Variants in SMYD3 observed in about 807,000 individuals in gnomAD.
The protein encoded by SMYD3 is histone-lysine N-methyltransferase SMYD3.
SMYD3 carries 36 observed loss-of-function variants against 57.7 expected under a neutral mutation model. The ratio of observed to expected loss-of-function variants is 0.62; its 90% CI spans 0.48 to 0.82. The LOEUF is 0.82. Among genes scored for constraint, SMYD3 ranks in the 40% least tolerant of loss-of-function variants. SMYD3 has a pLI of 0.00. For synonymous variants in SMYD3, 211 were observed against 195.0 expected (o/e 1.08, Z -0.68); for missense variants, 515 against 538.8 (o/e 0.96, Z 0.44).
At chr1:245,852,638 T>C (rs1182796383) in intron 10 of SMYD3, among the ~76,000 whole-genome samples, 3 of 152,234 alleles carry the variant, frequency 2.0e-5, no homozygotes, top group African/African-American at 7.2e-5. Context: ...CTAGTCATTG[T>C]CATATCTTCT....
At chr1:246,241,850 T>C (rs923693582) in intron 5 of SMYD3, among the ~76,000 whole-genome samples, 1 of 152,176 alleles carries the variant, frequency 6.6e-6, no homozygotes, top group Admixed American at 6.5e-5. Context: ...AATTTATCCA[T>C]TTTTTCTAGA....
chr1:245,995,278 G>A (rs193206177), intron 5 of SMYD3, among the ~76,000 whole-genome samples: 11 of 152,250 alleles, frequency 7.2e-5, no homozygotes, highest in African/African-American at 1.7e-4. Flanking sequence ...TGTGCTACAC[G>A]GAAGTCATGG....
chr1:246,376,932 T>A (rs1474409513), intron 1 of SMYD3, among the ~76,000 whole-genome samples: 1 of 151,992 alleles, frequency 6.6e-6, no homozygotes, highest in African/African-American at 2.4e-5. Context: ...AAACCCCATC[T>A]CTACTAAAAA....
chr1:245,807,999 T>C lies in SMYD3; in HGVS notation c.1077-43850A>G, dbSNP rs74891666. ...TAATCTCTTGAGAGTATTCTCCTCT[T>C]CTGCCACTGCCAAAATCAAAATGAG... On this transcript the variant is annotated intron_variant, in intron 10 of 11. Coordinates refer to ENST00000490107, the MANE Select transcript of SMYD3 (RefSeq NM_001167740.2). 5.6e-3 allele frequency among the ~76,000 whole-genome samples: 854 copies of C among 152,268 alleles called. 6 individuals carry two copies. Among genetic ancestry groups the C allele is most frequent in the Middle Eastern group, 0.037 (11 of 294 alleles).
chr1:246,176,487 G>A lies in SMYD3; in HGVS notation c.531+150714C>T, dbSNP rs1253675053. Among the ~76,000 whole-genome samples, 4 of 152,172 alleles carry A rather than the reference G, an allele frequency of 2.6e-5. No individual in the cohort carries two copies. The South Asian group carries it at 6.2e-4, about 24-fold the overall frequency. ...TACATGGTCTGACCCTCAGCAACAC[G>A]AAAACATATTCGAAGCAATGAGATT... is the stretch of plus-strand genomic sequence containing the variant. On this transcript the variant is annotated intron_variant, in intron 5 of 11. Coordinates refer to ENST00000490107, the MANE Select transcript of SMYD3 (RefSeq NM_001167740.2).
chr1:246,207,157 ATG>A (rs964368449), intron 5 of SMYD3, among the ~76,000 whole-genome samples: 1 of 152,148 alleles, frequency 6.6e-6, no homozygotes, highest in Non-Finnish European at 1.5e-5. Flanking sequence ...AAAATTAAAT[ATG>A]TGTTATTTGA....
intron 5 of SMYD3, among the ~76,000 whole-genome samples, chr1:246,319,205 C>G (rs970743992): frequency 1.3e-5 from 2 of 152,198 alleles, no homozygotes; most frequent in African/African-American, 2.4e-5. Context: ...TGCAGTTAAG[C>G]ATCCTAGCTG....
chr1:245,781,747 G>A (rs971733014), intron 10 of SMYD3, among the ~76,000 whole-genome samples: 7 of 152,140 alleles, frequency 4.6e-5, no homozygotes, highest in African/African-American at 1.7e-4. Context: ...TTGGGAGGCC[G>A]AGCACTGGGG....
intron 5 of SMYD3, among the ~76,000 whole-genome samples, chr1:246,270,784 T>C (rs889865926): frequency 2.0e-5 from 3 of 152,238 alleles, no homozygotes; most frequent in African/African-American, 7.2e-5. Flanking sequence ...AACACTGGCA[T>C]ACAAACATCT....
chr1:246,491,375 T>TA (rs1191288193), intron 1 of SMYD3, among the ~76,000 whole-genome samples: 1 of 151,970 alleles, frequency 6.6e-6, no homozygotes, highest in East Asian at 1.9e-4. Context: ...CCGTCTGTAC[T>TA]AAAAATACAA....
At chr1:246,091,726 T>A (rs564862213) in intron 5 of SMYD3, among the ~76,000 whole-genome samples, 23 of 152,362 alleles carry the variant, frequency 1.5e-4, no homozygotes, top group Admixed American at 1.4e-3. Flanking sequence ...TGGAAATATG[T>A]GAGCTCAATG....
chr1:245,947,888 T>G (rs2057479347), intron 5 of SMYD3, among the ~76,000 whole-genome samples: 1 of 152,170 alleles, frequency 6.6e-6, no homozygotes, highest in East Asian at 1.9e-4. Flanking sequence ...TTTCCAGAAG[T>G]AAGTCACAGT....
intron 5 of SMYD3, among the ~76,000 whole-genome samples, chr1:246,325,603 ATAATT>A (rs1453716049): frequency 2.0e-5 from 3 of 152,168 alleles, no homozygotes; most frequent in Non-Finnish European, 4.4e-5. Flanking sequence ...CAACATGGAG[ATAATT>A]TCATTATAAA....
chr1:246,394,500 G>A lies in SMYD3; in HGVS notation c.165-39406C>T, dbSNP rs934625261. 2.0e-5 allele frequency among the ~76,000 whole-genome samples: 3 copies of A among 152,156 alleles called. No homozygotes were observed. In the East Asian group the frequency reaches 5.8e-4, roughly 29 times the overall value. On this transcript the variant is annotated intron_variant, in intron 1 of 11. Transcript: ENST00000490107. The stretch of plus-strand genomic sequence containing the variant: ...ACCTTAATCATTTCCACCAACCTTT[G>A]GAATTCTGCTTTGGATTTCACTGGA...
At chr1:245,962,879 C>T (rs2058045903) in intron 5 of SMYD3, among the ~76,000 whole-genome samples, 1 of 152,172 alleles carries the variant, frequency 6.6e-6, no homozygotes, top group Non-Finnish European at 1.5e-5. Flanking sequence ...ATTGGGGTTT[C>T]ACTTAACTGT....
At chr1:246,063,371 G>T (rs982515642) in intron 5 of SMYD3, among the ~76,000 whole-genome samples, 18 of 152,106 alleles carry the variant, frequency 1.2e-4, no homozygotes, top group Non-Finnish European at 2.2e-4. Context: ...TCTAATTTTG[G>T]ACTCCTGGAA....
intron 10 of SMYD3, among the ~76,000 whole-genome samples, chr1:245,839,183 T>G (rs1376687890): frequency 6.6e-6 from 1 of 151,862 alleles, no homozygotes; most frequent in Non-Finnish European, 1.5e-5. Context: ...TTAATTTTTA[T>G]TATTTTGAGA....
chr1:246,212,521 CTCTT>C (rs2063106326), intron 5 of SMYD3, among the ~76,000 whole-genome samples: 1 of 152,016 alleles, frequency 6.6e-6, no homozygotes, highest in South Asian at 2.1e-4. Context: ...TTATTTTCCT[CTCTT>C]TATTTTTTCT....
intron 5 of SMYD3, among the ~76,000 whole-genome samples, chr1:246,138,638 G>C (rs1439534162): frequency 6.8e-6 from 1 of 147,042 alleles, no homozygotes; most frequent in Non-Finnish European, 1.5e-5. Flanking sequence ...TGTTAGCCAG[G>C]ATGGTCTCGA....
Sources: gnomAD v4.1 joint callset for allele counts (sites outside exome capture counted in the v4.1 genomes callset) on GRCh38, gnomAD v4.1.1 for gene constraint, MANE v1.5 for transcripts, NCBI Gene and HGNC (gene_info 2026-07-23, HGNC 2026-07-21) for gene names.